The following DDX39A variants were observed in gnomAD, a reference collection of about 807,000 sequenced individuals.
DDX39A encodes DExD-box helicase 39A.
In DDX39A, 13 loss-of-function variants were observed where a neutral mutation model predicts 46.3. The observed-to-expected ratio is 0.28, with a 90% CI of 0.18 to 0.45. DDX39A has a LOEUF of 0.45. Among genes scored for constraint, DDX39A ranks in the 20% least tolerant of loss-of-function variants. The pLI, the probability that DDX39A is intolerant of heterozygous loss-of-function variation, is 1.00. For synonymous variants in DDX39A, 234 were observed against 224.6 expected (o/e 1.04, Z -0.38); for missense variants, 352 against 581.8 (o/e 0.61, Z 4.06).
Position 14,409,521 on chromosome 19 carries a change from G to A in DDX39A, c.974+15C>T, listed in dbSNP as rs770279031. ...GTGGTGCTCCCTGCAGCCTTGGCGG[G>A]CGGCTCGCACTCACCGCTCCTCCTG... On this transcript the variant is annotated intron_variant, in intron 8 of 10. Transcript: ENST00000242776. This position sits in a 1 kb window ranked among gnomAD's most constrained non-coding sequence, Gnocchi z 8.3. 5.6e-6 allele frequency: 9 copies of A among 1,608,962 alleles called. No homozygotes were observed. The highest frequency in any genetic ancestry group is 2.2e-5 in the South Asian group (2 of 90,956).
At position 14,409,409 on chromosome 19, in the gene DDX39A, C is replaced by T. The variant is rs1271802037; in HGVS notation, c.1013G>A (p.Arg338Gln). ...AAACAGATTGGTGGCCACCAGGATC[C>T]GCCGCTGGAAATCCTTGAACTGCTG... ...RYQQFKDFQR[R>Q]ILVATNLFGR... Residue 338 changes from arginine to glutamine, a missense_variant, in exon 9 of 11, where the codon CGG becomes CAG. Arg to Gln is a conservative substitution (Grantham distance 43). Transcript: ENST00000242776. The surrounding 1 kb of genome is among the most constrained non-coding windows in gnomAD (Gnocchi z 8.3). The T allele has an allele frequency of 2.5e-6, 4 of 1,614,084 alleles. No individual in the cohort carries two copies. The highest frequency in any genetic ancestry group is 1.3e-5 in the African/African-American group (1 of 74,938).
intron 1 of DDX39A, among the ~76,000 whole-genome samples, chr19:14,415,588 C>T (rs949608052): frequency 2.6e-5 from 4 of 151,880 alleles, no homozygotes; most frequent in South Asian, 2.1e-4. Flanking sequence ...TGAGCCACCA[C>T]ACCTGGCCTC....
chr19:14,410,298 G>A lies in DDX39A; in HGVS notation c.650C>T (p.Thr217Ile), dbSNP rs754659946. 6.2e-7 allele frequency: 1 copy of A among 1,614,180 alleles called. No homozygotes were observed. The highest frequency in any genetic ancestry group is 1.1e-5 in the South Asian group (1 of 91,080). The change falls in exon 6 of 11, where the codon ACA (threonine) becomes ATA (isoleucine). Residue 217 changes from threonine to isoleucine, a missense_variant. Coordinates refer to ENST00000242776, the MANE Select transcript of DDX39A (RefSeq NM_005804.4). The surrounding 1 kb of genome is among the most constrained non-coding windows in gnomAD (Gnocchi z 4.3). The stretch of plus-strand genomic sequence containing the variant: ...CATCATGCACTGCTTCTCGTGTGGT[G>A]TCAGGCGGAAGATCTCCTGCACATC... Reference protein sequence around the residue: ...RRDVQEIFRLTPHEKQCMMFS... With the variant: ...RRDVQEIFRLIPHEKQCMMFS...
chr19:14,411,614 A>C lies in DDX39A; in HGVS notation c.337-16T>G. 6.6e-7 allele frequency: 1 copy of C among 1,518,572 alleles called. No homozygotes were observed. The highest frequency in any genetic ancestry group is 8.7e-7 in the Non-Finnish European group (1 of 1,144,016). 94.1% of individuals were successfully genotyped at this position (1,518,572 alleles called of 1,614,324 possible). ...GGACCGTCACCTGGGAAGTGGCATAAGAAGAGGGCCTTACCTTAGGCAGTG... is the reference window on the plus strand; with the variant it reads ...GGACCGTCACCTGGGAAGTGGCATACGAAGAGGGCCTTACCTTAGGCAGTG... On this transcript the variant is annotated splice_polypyrimidine_tract_variant and intron_variant, in intron 3 of 10. Transcript: ENST00000242776. The surrounding 1 kb of genome is among the most constrained non-coding windows in gnomAD (Gnocchi z 4.1).
intron 1 of DDX39A, among the ~76,000 whole-genome samples, chr19:14,414,331 A>T (rs916013997): frequency 6.3e-5 from 4 of 63,626 alleles, no homozygotes; most frequent in African/African-American, 3.7e-4. Flanking sequence ...CTGTTTTATT[A>T]TTATTATTAT....
Position 14,409,268 on chromosome 19 carries a change from C to T in DDX39A, c.1119+35G>A, listed in dbSNP as rs368220686. ...GCAGGGCTGGGGCCCCACCCCACCG[C>T]CAGGGGAAAGCAACATGCCCGTGAG... On this transcript the variant is annotated intron_variant, in intron 9 of 10. Transcript: ENST00000242776. The surrounding 1 kb of genome is among the most constrained non-coding windows in gnomAD (Gnocchi z 8.3). 9.4e-5 allele frequency: 151 copies of T among 1,613,384 alleles called. No individual in the cohort carries two copies. The African/African-American group carries it at 1.8e-3, about 19-fold the overall frequency.
At position 14,409,613 on chromosome 19, in the gene DDX39A, G is replaced by A. The variant is rs1214027129; in HGVS notation, c.897C>T (p.Cys299=). 6.8e-6 allele frequency: 11 copies of A among 1,611,876 alleles called. No individual in the cohort carries two copies. Among genetic ancestry groups the A allele is most frequent in the African/African-American group, 1.3e-5 (1 of 74,914 alleles). ...CCACGAGGAGCTGGGCCAGGGCCATGCAGCGCTGCACTGACTTGACGAAGA... is the reference window on the plus strand; with the variant it reads ...CCACGAGGAGCTGGGCCAGGGCCATACAGCGCTGCACTGACTTGACGAAGA... ...VIIFVKSVQR[C]MALAQLLVEQ... Residue 299 remains cysteine, a synonymous_variant, in exon 8 of 11, where the codon TGC becomes TGT. Transcript: ENST00000242776. This position sits in a 1 kb window ranked among gnomAD's most constrained non-coding sequence, Gnocchi z 8.3.
chr19:14,409,322 G>A lies in DDX39A; in HGVS notation c.1100C>T (p.Ser367Leu). 3 of 1,614,176 alleles carry A rather than the reference G, an allele frequency of 1.9e-6. No individual in the cohort carries two copies. Among genetic ancestry groups the A allele is most frequent in the Non-Finnish European group, 2.5e-6 (3 of 1,180,042 alleles). ...GCTCACCCGGTGCAGGTAGGTGTCC[G>A]AGTCCTCAGGCATGTCGTAGTTAAA... is the stretch of plus-strand genomic sequence containing the variant. ...IVFNYDMPED[S>L]DTYLHRVARA... Residue 367 changes from serine to leucine, a missense_variant, in exon 9 of 11, where the codon TCG becomes TTG. Physicochemically the swap from Ser to Leu is moderately radical, Grantham distance 145 (BLOSUM62 -2). Coordinates refer to ENST00000242776, the MANE Select transcript of DDX39A (RefSeq NM_005804.4). This position sits in a 1 kb window ranked among gnomAD's most constrained non-coding sequence, Gnocchi z 8.3.
At chr19:14,414,309 A>G (rs1390859310) in intron 1 of DDX39A, among the ~76,000 whole-genome samples, 1 of 150,290 alleles carries the variant, frequency 6.7e-6, no homozygotes, top group East Asian at 2.0e-4. Flanking sequence ...GCTGGCCCCA[A>G]GCTGCTATCA....
chr19:14,409,373 A>G lies in DDX39A; in HGVS notation c.1049T>C (p.Met350Thr). The G allele has an allele frequency of 1.2e-6, 2 of 1,614,196 alleles. No homozygotes were observed. Among genetic ancestry groups the G allele is most frequent in the Non-Finnish European group, 1.7e-6 (2 of 1,180,030 alleles). Reference sequence around the variant, plus strand: ...GACGATGTTGACTCGCTCGATGTCCATCCCCCGGCCAAACAGATTGGTGGC... The same window carrying G: ...GACGATGTTGACTCGCTCGATGTCCGTCCCCCGGCCAAACAGATTGGTGGC... ...LVATNLFGRG[M>T]DIERVNIVFN... The change falls in exon 9 of 11, where the codon ATG (methionine) becomes ACG (threonine). Residue 350 changes from methionine (M) to threonine (T), a missense_variant. Transcript: ENST00000242776. The surrounding 1 kb of genome is among the most constrained non-coding windows in gnomAD (Gnocchi z 8.3).
chr19:14,413,049 C>A lies in DDX39A; in HGVS notation c.172G>T (p.Ala58Ser). The A allele has an allele frequency of 6.2e-7, 1 of 1,614,210 alleles. No individual in the cohort carries two copies. The highest frequency in any genetic ancestry group is 1.3e-5 in the African/African-American group (1 of 75,050). ...DFLLKPELLRAIVDCGFEHPS... is the reference protein window; with the variant it reads ...DFLLKPELLRSIVDCGFEHPS... Reference sequence around the variant, plus strand: ...TGCTCAAAGCCACAGTCCACGATGGCCCGCAGGAGCTCCGGCTTCAGCAGA... The same window carrying A: ...TGCTCAAAGCCACAGTCCACGATGGACCGCAGGAGCTCCGGCTTCAGCAGA... Residue 58 changes from alanine to serine, a missense_variant, in exon 2 of 11, where the codon GCC becomes TCC. Physicochemically the swap from Ala to Ser is moderately conservative, Grantham distance 99. Coordinates refer to ENST00000242776, the MANE Select transcript of DDX39A (RefSeq NM_005804.4).
Position 14,411,269 on chromosome 19 carries a change from C to G in DDX39A, c.430-97G>C. ...CTGCGAACAGGAGGCCTCAGGGGACCAAGGCAGGCCTGAGAGCCTCCCGGG... is the reference window on the plus strand; with the variant it reads ...CTGCGAACAGGAGGCCTCAGGGGACGAAGGCAGGCCTGAGAGCCTCCCGGG... On this transcript the variant is annotated intron_variant, in intron 4 of 10. Coordinates refer to ENST00000242776, the MANE Select transcript of DDX39A (RefSeq NM_005804.4). The surrounding 1 kb of genome is among the most constrained non-coding windows in gnomAD (Gnocchi z 4.1). The G allele has an allele frequency of 7.1e-7, 1 of 1,401,774 alleles. No individual in the cohort carries two copies. The highest frequency in any genetic ancestry group is 9.6e-7 in the Non-Finnish European group (1 of 1,039,846). 86.8% of individuals were successfully genotyped at this position (1,401,774 alleles called of 1,614,324 possible).
At position 14,410,165 on chromosome 19, in the gene DDX39A, A is replaced by G. The variant is rs749006482; in HGVS notation, c.732+51T>C. ...GGCCGTGCGGGTGTCCTGGGGCCCC[A>G]GGCTCCAGGCCCCTGGGGAAGGCCA... On this transcript the variant is annotated intron_variant, in intron 6 of 10. Transcript: ENST00000242776. This position sits in a 1 kb window ranked among gnomAD's most constrained non-coding sequence, Gnocchi z 4.3. 1.5e-5 allele frequency: 24 copies of G among 1,553,770 alleles called. No homozygotes were observed. Among genetic ancestry groups the G allele is most frequent in the Non-Finnish European group, 2.1e-5 (24 of 1,127,298 alleles).
intron 1 of DDX39A, among the ~76,000 whole-genome samples, chr19:14,415,196 G>A (rs1976760705): frequency 6.6e-6 from 1 of 152,100 alleles, no homozygotes; most frequent in African/African-American, 2.4e-5. Flanking sequence ...GCCTGTTGTT[G>A]TGGACATTTC....
At chr19:14,414,325 T>TTTTTTTATTATTA (rs1395863016) in intron 1 of DDX39A, among the ~76,000 whole-genome samples, 3 of 133,518 alleles carry the variant, frequency 2.2e-5, no homozygotes, top group African/African-American at 8.5e-5. Flanking sequence ...TATCACCTGT[T>TTTTTTTATTATTA]TTATTATTAT....
At chr19:14,418,208 C>T (rs1402523263) in intron 1 of DDX39A, among the ~76,000 whole-genome samples, 1 of 150,602 alleles carries the variant, frequency 6.6e-6, no homozygotes, top group Non-Finnish European at 1.5e-5. Flanking sequence ...TTCGAGAAAC[C>T]GGGCTGGACA....
At chr19:14,417,217 A>G (rs560407528) in intron 1 of DDX39A, among the ~76,000 whole-genome samples, 6 of 152,300 alleles carry the variant, frequency 3.9e-5, no homozygotes, top group African/African-American at 9.6e-5. Flanking sequence ...TCCCCTGACC[A>G]ATCCATGGGT....
rs1976585086 is a variant in DDX39A at position 14,411,418 on chromosome 19, T to C, written c.429+88A>G. 1 of 1,353,352 alleles carries C rather than the reference T, an allele frequency of 7.4e-7. No individual in the cohort carries two copies. Among genetic ancestry groups the C allele is most frequent in the African/African-American group, 1.4e-5 (1 of 69,192 alleles). The allele number at this position is 1,353,352 out of a possible 1,614,324, so 83.8% of individuals were successfully genotyped here. On this transcript the variant is annotated intron_variant, in intron 4 of 10. Transcript: ENST00000242776. The surrounding 1 kb of genome is among the most constrained non-coding windows in gnomAD (Gnocchi z 4.1). Reference sequence around the variant, plus strand: ...TCAAAGGCAGCTGCCCCTGCCAAGCTTGGTAAATGCTGGCTGGGCCAGAGC... The same window carrying C: ...TCAAAGGCAGCTGCCCCTGCCAAGCCTGGTAAATGCTGGCTGGGCCAGAGC...
chr19:14,409,167 G>A lies in DDX39A; in HGVS notation c.1137C>T (p.Arg379=), dbSNP rs1398827359. 1.9e-6 allele frequency: 3 copies of A among 1,614,178 alleles called. No individual in the cohort carries two copies. Among genetic ancestry groups the A allele is most frequent in the Non-Finnish European group, 1.7e-6 (2 of 1,180,030 alleles). ...TYLHRVARAG[R]FGTKGLAITF... is the part of the protein sequence containing the mutation. ...TGATGGCTAGGCCTTTGGTGCCAAA[G>A]CGACCCGCCCGGGCCACCTGCAGGC... The change falls in exon 10 of 11, where the codon CGC becomes CGT. Residue 379 remains arginine, a synonymous_variant. Transcript: ENST00000242776. This position sits in a 1 kb window ranked among gnomAD's most constrained non-coding sequence, Gnocchi z 8.3.
Sources: gnomAD v4.1 joint callset for allele counts (sites outside exome capture counted in the v4.1 genomes callset) on GRCh38, gnomAD v4.1.1 for gene constraint, Gnocchi (gnomAD v3.1) non-coding constraint, MANE v1.5 for transcripts, NCBI Gene and HGNC (gene_info 2026-07-23, HGNC 2026-07-21) for gene names.